JAG1: variants seen among roughly 807,000 people sequenced by gnomAD.
JAG1 encodes the protein protein jagged-1.
In JAG1, 23 loss-of-function variants were observed where a neutral mutation model predicts 148.7. The observed-to-expected ratio is 0.15, with a 90% CI of 0.11 to 0.22. The LOEUF (loss-of-function observed/expected upper bound fraction) is 0.22. Ranked by LOEUF, JAG1 falls within the 10% of genes least tolerant of loss-of-function variation. JAG1 has a pLI of 1.00. For synonymous variants in JAG1, 572 were observed against 598.3 expected (o/e 0.96, Z 0.64); for missense variants, 1,054 against 1,611.2 (o/e 0.65, Z 5.92).
In JAG1 at chr20:10,673,768, G is replaced by A; in HGVS notation, c.-238C>T. On this transcript the variant is annotated 5_prime_UTR_variant, in exon 1 of 26. Coordinates refer to ENST00000254958, the MANE Select transcript of JAG1 (RefSeq NM_000214.3). The surrounding 1 kb of genome is among the most constrained non-coding windows in gnomAD (Gnocchi z 4.7). ...CTTTTATTATTCTGATCGCTTCTTT[G>A]AGACGCTCCCCCTCCTCTTCCACCT... is the stretch of plus-strand genomic sequence containing the variant. The A allele has an allele frequency of 4.2e-6, 1 of 235,340 alleles. No individual in the cohort carries two copies. 14.6% of individuals were successfully genotyped at this position (235,340 alleles called of 1,614,324 possible).
chr20:10,643,663 T>C (rs2067288354), intron 20 of JAG1, 115 bp downstream of exon 20: 1 of 819,658 alleles, frequency 1.2e-6, no homozygotes, highest in Non-Finnish European at 2.1e-6. Context: ...TCCTTTGCTC[T>C]ATGAGAGCTA....
chr20:10,647,965 C>T lies in JAG1; in HGVS notation c.1715G>A (p.Cys572Tyr). 6.2e-7 allele frequency: 1 copy of T among 1,614,136 alleles called. No homozygotes were observed. The highest frequency in any genetic ancestry group is 8.5e-7 in the Non-Finnish European group (1 of 1,180,020). Residue 572 changes from cysteine to tyrosine, a missense_variant, in exon 13 of 26, where the codon TGT becomes TAT. Physicochemically the swap from Cys to Tyr is radical, Grantham distance 194. This residue lies in a region of JAG1 where 245 missense variants were observed against 373.1 expected (regional missense o/e 0.66). Transcript: ENST00000254958. ...TCCCGGGAGAAGGGAGGTACCTTCA[C>T]AGGGGGTCGTGCGGCAGTGGTCTTT... ...HLKDHCRTTP[C>Y]EVIDSCTVAM...
chr20:10,651,721 G>A (rs779310407), intron 7 of JAG1, 27 bp from the exon 8 acceptor site: 1 of 1,434,822 alleles, frequency 7.0e-7, no homozygotes, highest in Non-Finnish European at 9.8e-7. Context: ...GGCAGTCAGA[G>A]AGGGATGCCT....
intron 13 of JAG1, 36 bp from the exon 14 acceptor site, chr20:10,647,139 C>G: frequency 6.2e-7 from 1 of 1,613,322 alleles, no homozygotes; most frequent in Non-Finnish European, 8.5e-7. Flanking sequence ...CACAGCCATG[C>G]ACCCACAGAT....
chr20:10,650,172 G>T, intron 9 of JAG1, 75 bp downstream of exon 9: 1 of 889,138 alleles, frequency 1.1e-6, no homozygotes, highest in Non-Finnish European at 1.9e-6. Context: ...CCGGCCACAC[G>T]CTCGTCTTCT....
Position 10,646,104 on chromosome 20 carries a change from A to C in JAG1, c.1886-20T>G. 6.4e-7 allele frequency: 1 copy of C among 1,560,414 alleles called. No homozygotes were observed. The highest frequency in any genetic ancestry group is 8.8e-7 in the Non-Finnish European group (1 of 1,131,306). ...TAATATCTATGAAACAAAGTAAAGC[A>C]AAAAAAGAACTGAAGGACTTGTGAA... On this transcript the variant is annotated intron_variant, in intron 14 of 25. Transcript: ENST00000254958.
At position 10,645,808 on chromosome 20, in the gene JAG1, T is replaced by G. The variant is rs1377027581; in HGVS notation, c.1999+163A>C. 5.8e-6 allele frequency: 4 copies of G among 688,578 alleles called. No individual in the cohort carries two copies. Among genetic ancestry groups the G allele is most frequent in the Non-Finnish European group, 1.0e-5 (4 of 380,974 alleles). The allele number at this position is 688,578 out of a possible 1,614,324, so 42.7% of individuals were successfully genotyped here. A position where few individuals can be genotyped will look rare whatever the true frequency, so the allele number is the denominator to read the frequency against. On this transcript the variant is annotated intron_variant, in intron 15 of 25. Transcript: ENST00000254958. The surrounding 1 kb of genome is among the most constrained non-coding windows in gnomAD (Gnocchi z 6.1). ...CCTCCCCATAAGCTATCATCAGGAC[T>G]CATAAATGCAAATGAGACACAAGTG...
At chr20:10,641,022 CTT>C (rs939864693) in intron 24 of JAG1, 89 bp from the exon 25 acceptor site, 2 of 1,611,326 alleles carry the variant, frequency 1.2e-6, no homozygotes, top group African/African-American at 2.7e-5. Flanking sequence ...GTCTGCAAAG[CTT>C]TTTGTCAGTG....
chr20:10,658,865 C>T, intron 3 of JAG1, 143 bp from the exon 4 acceptor site: 1 of 857,538 alleles, frequency 1.2e-6, no homozygotes, highest in Admixed American at 2.3e-5. Flanking sequence ...AAAGTTTATG[C>T]CCCTACCCAG....
At chr20:10,667,854 C>A (rs910575509) in intron 2 of JAG1, among the ~76,000 whole-genome samples, 3 of 152,008 alleles carry the variant, frequency 2.0e-5, no homozygotes, top group Non-Finnish European at 2.9e-5. Context: ...AAAAGGGTGG[C>A]GAGGTTAATA....
intron 6 of JAG1, 70 bp downstream of exon 6, chr20:10,652,398 A>G: frequency 6.2e-7 from 1 of 1,606,394 alleles, no homozygotes; most frequent in African/African-American, 1.3e-5. Flanking sequence ...CCTGCCAATA[A>G]AATTAGAAAC....
chr20:10,658,507 T>C lies in JAG1; in HGVS notation c.655A>G (p.Thr219Ala). 1 of 1,614,216 alleles carries C rather than the reference T, an allele frequency of 6.2e-7. No individual in the cohort carries two copies. ...HYACDQNGNK[T>A]CMEGWMGPEC... ...GGGCCCATCCAGCCTTCCATGCAAGTTTTGTTGCCATTCTGGTCACAGGCA... is the reference window on the plus strand; with the variant it reads ...GGGCCCATCCAGCCTTCCATGCAAGCTTTGTTGCCATTCTGGTCACAGGCA... Residue 219 changes from threonine to alanine, a missense_variant, in exon 4 of 26, where the codon ACT (threonine) becomes GCT (alanine). By Grantham distance (58) the Thr-to-Ala change is moderately conservative. Coordinates refer to ENST00000254958, the MANE Select transcript of JAG1 (RefSeq NM_000214.3).
At chr20:10,669,144 C>T (rs770862947) in intron 2 of JAG1, among the ~76,000 whole-genome samples, 3 of 152,214 alleles carry the variant, frequency 2.0e-5, no homozygotes, top group Non-Finnish European at 4.4e-5. Context: ...TTCCCCCAAG[C>T]CCAGTGTTGC....
intron 4 of JAG1, among the ~76,000 whole-genome samples, chr20:10,657,647 T>C (rs1427831375): frequency 6.6e-6 from 1 of 152,154 alleles, no homozygotes; most frequent in Non-Finnish European, 1.5e-5. Context: ...ACATTATTGC[T>C]CATGAGGGGA....
chr20:10,644,364 G>A lies in JAG1; in HGVS notation c.2365C>T (p.His789Tyr), dbSNP rs2067293706. ...CAQNTNDCSP[H>Y]PCYNSGTCVD... Reference sequence around the variant, plus strand: ...AAAGGATGTCACACTTACCAGGGATGAGGGCTGCAGTCATTGGTATCTGCA... The same window carrying A: ...AAAGGATGTCACACTTACCAGGGATAAGGGCTGCAGTCATTGGTATCTGCA... Residue 789 changes from histidine (H) to tyrosine (Y), a missense_variant, in exon 19 of 26, where the codon CAT becomes TAT. By Grantham distance (83) the His-to-Tyr change is moderately conservative (BLOSUM62 2). Transcript: ENST00000254958. The A allele has an allele frequency of 6.2e-7, 1 of 1,612,736 alleles. No homozygotes were observed. The highest frequency in any genetic ancestry group is 8.5e-7 in the Non-Finnish European group (1 of 1,179,028).
At chr20:10,647,184 C>G (rs2067315341) in intron 13 of JAG1, 81 bp from the exon 14 acceptor site, 1 of 1,556,118 alleles carries the variant, frequency 6.4e-7, no homozygotes, top group African/African-American at 1.4e-5. Context: ...GGGCCAAGCC[C>G]ACTTTCCTGG....
At chr20:10,663,859 G>T in intron 3 of JAG1, 104 bp downstream of exon 3, 3 of 872,446 alleles carry the variant, frequency 3.4e-6, no homozygotes, top group South Asian at 1.3e-5. Context: ...GCAAGAGGTG[G>T]CAGAAATGCT....
chr20:10,663,753 T>C (rs2067433018), intron 3 of JAG1, among the ~76,000 whole-genome samples: 4 of 152,228 alleles, frequency 2.6e-5, no homozygotes, highest in Admixed American at 2.6e-4. Flanking sequence ...ACTGGGATTC[T>C]GTTCTGGCCA....
intron 2 of JAG1, among the ~76,000 whole-genome samples, chr20:10,671,138 C>T (rs2067491898): frequency 6.6e-6 from 1 of 152,190 alleles, no homozygotes; most frequent in South Asian, 2.1e-4. Context: ...GAACCACCTG[C>T]AGGCCCCTTC....
Sources: allele counts gnomAD v4.1 joint callset (sites outside exome capture counted in the v4.1 genomes callset), GRCh38; gene constraint gnomAD v4.1.1; regional missense constraint gnomAD v4.1.1; non-coding constraint Gnocchi (gnomAD v3.1); transcripts MANE v1.5; gene names NCBI Gene and HGNC (gene_info 2026-07-23, HGNC 2026-07-21).